The following CNBD1 variants were observed in gnomAD, a reference collection of about 807,000 sequenced individuals.
CNBD1 encodes cyclic nucleotide binding domain containing 1.
CNBD1 carries 71 observed loss-of-function variants against 54.4 expected under a neutral mutation model. The ratio of observed to expected loss-of-function variants is 1.30; its 90% CI spans 1.08 to 1.59. The LOEUF (loss-of-function observed/expected upper bound fraction) is 1.59. CNBD1 is among the 40% of genes most tolerant of loss of function. The probability of loss-of-function intolerance (pLI) is 0.00; values close to 1 mark genes in which losing one functional copy is unlikely to be tolerated. For missense variants in CNBD1, 659 were observed against 518.0 expected (o/e 1.27, Z -2.64); for synonymous variants, 182 against 170.7 (o/e 1.07, Z -0.51).
At chr8:87,172,081 A>G (rs1443379696) in intron 4 of CNBD1, among the ~76,000 whole-genome samples, 1 of 151,984 alleles carries the variant, frequency 6.6e-6, no homozygotes, top group Non-Finnish European at 1.5e-5. Flanking sequence ...TTCTTCAATG[A>G]TTCAATGGAC....
intron 4 of CNBD1, among the ~76,000 whole-genome samples, chr8:86,999,031 A>G (rs1025443418): frequency 6.6e-6 from 1 of 152,246 alleles, no homozygotes; most frequent in Non-Finnish European, 1.5e-5. Context: ...TTGTAATCAC[A>G]AGAGCTATCT....
chr8:87,275,626 G>T (rs1808463042), intron 6 of CNBD1, among the ~76,000 whole-genome samples: 2 of 151,488 alleles, frequency 1.3e-5, no homozygotes, highest in Non-Finnish European at 1.5e-5. Flanking sequence ...ATACTGAATG[G>T]GCAAAAACTG....
chr8:87,240,322 T>C (rs1024531278), intron 6 of CNBD1, among the ~76,000 whole-genome samples: 12 of 152,234 alleles, frequency 7.9e-5, no homozygotes, highest in African/African-American at 2.9e-4. Flanking sequence ...TTTGGAATTA[T>C]GTGGAAAAAA....
chr8:86,962,647 G>A (rs901715671), intron 4 of CNBD1, among the ~76,000 whole-genome samples: 8 of 152,192 alleles, frequency 5.3e-5, no homozygotes, highest in African/African-American at 1.7e-4. Context: ...TTAGCTGGGT[G>A]TGATGGCAGG....
intron 8 of CNBD1, among the ~76,000 whole-genome samples, chr8:87,318,667 A>C (rs1809452535): frequency 6.6e-6 from 1 of 152,056 alleles, no homozygotes; most frequent in African/African-American, 2.4e-5. Context: ...AATGATACTG[A>C]AATAAAACCT....
chr8:87,278,654 T>A (rs900516126), intron 6 of CNBD1, among the ~76,000 whole-genome samples: 1 of 151,498 alleles, frequency 6.6e-6, no homozygotes, highest in South Asian at 2.1e-4. Flanking sequence ...GTAAAAGGGA[T>A]GACAAGGAGA....
At chr8:87,009,190 G>A (rs1194390843) in intron 4 of CNBD1, among the ~76,000 whole-genome samples, 1 of 151,888 alleles carries the variant, frequency 6.6e-6, no homozygotes, top group Non-Finnish European at 1.5e-5. Flanking sequence ...ATTATAATAA[G>A]CTTAAAATAG....
intron 4 of CNBD1, among the ~76,000 whole-genome samples, chr8:87,188,626 C>T (rs1027349241): frequency 5.3e-5 from 8 of 151,258 alleles, no homozygotes; most frequent in African/African-American, 9.7e-5. Flanking sequence ...CTTGGGAGAC[C>T]GAGGTAAGAG....
rs1015893260 is a variant in CNBD1, at chr8:87,353,683, G to T, written c.1200G>T (p.Glu400Asp). 8.1e-6 allele frequency: 13 copies of T among 1,604,426 alleles called. No homozygotes were observed. Among genetic ancestry groups the T allele is most frequent in the Non-Finnish European group, 1.1e-5 (13 of 1,175,544 alleles). Residue 400 changes from glutamate to aspartate, a missense_variant, in exon 10 of 11, where the codon GAG becomes GAT. Transcript: ENST00000518476. ...ATATGGGGAAACTTAAGGAGAAGGAGTCCTTTGGTGAGATTAGCGTCCTTC... is the reference window on the plus strand; with the variant it reads ...ATATGGGGAAACTTAAGGAGAAGGATTCCTTTGGTGAGATTAGCGTCCTTC... ...LVYMGKLKEKESFGEISVLLQ... is the reference protein window; with the variant it reads ...LVYMGKLKEKDSFGEISVLLQ...
chr8:87,016,217 C>T (rs918584694), intron 4 of CNBD1, among the ~76,000 whole-genome samples: 8 of 151,766 alleles, frequency 5.3e-5, no homozygotes, highest in Middle Eastern at 3.4e-3. Flanking sequence ...TCTCAAAACT[C>T]TCCAGTAATT....
At chr8:87,281,742 G>T (rs1018531640) in intron 6 of CNBD1, among the ~76,000 whole-genome samples, 1 of 150,408 alleles carries the variant, frequency 6.6e-6, no homozygotes, top group African/African-American at 2.4e-5. Context: ...AATAGATATT[G>T]CCAGATAATT....
intron 8 of CNBD1, among the ~76,000 whole-genome samples, chr8:87,339,515 A>G (rs1383416158): frequency 6.6e-6 from 1 of 151,530 alleles, no homozygotes; most frequent in Non-Finnish European, 1.5e-5. Flanking sequence ...ATGTATGAAG[A>G]GTTGCTGATA....
At chr8:86,925,587 T>C (rs1445526176) in intron 3 of CNBD1, among the ~76,000 whole-genome samples, 2 of 149,778 alleles carry the variant, frequency 1.3e-5, no homozygotes, top group Non-Finnish European at 3.0e-5. Context: ...TTTTGGGAAC[T>C]GATAAAGGAA....
intron 3 of CNBD1, among the ~76,000 whole-genome samples, chr8:86,930,880 A>T (rs1409080161): frequency 1.3e-5 from 2 of 152,158 alleles, no homozygotes; most frequent in African/African-American, 2.4e-5. Flanking sequence ...TGCCTTTGTA[A>T]GGAAAAGCGG....
At chr8:87,324,339 C>T (rs1289118739) in intron 8 of CNBD1, among the ~76,000 whole-genome samples, 1 of 126,162 alleles carries the variant, frequency 7.9e-6, no homozygotes, top group South Asian at 2.3e-4. Context: ...GGGAGGATTC[C>T]CTCTTTTTCT....
intron 10 of CNBD1, among the ~76,000 whole-genome samples, chr8:87,374,846 C>T (rs1195929988): frequency 6.7e-6 from 1 of 149,942 alleles, no homozygotes; most frequent in Admixed American, 6.6e-5. Context: ...CTGTATTGGA[C>T]TTTGTGTAAG....
intron 3 of CNBD1, among the ~76,000 whole-genome samples, chr8:86,935,276 T>C (rs1434939263): frequency 1.3e-5 from 2 of 152,098 alleles, no homozygotes; most frequent in East Asian, 1.9e-4. Flanking sequence ...GACCTCGTAA[T>C]CCACCTGCCT....
chr8:86,996,194 C>A (rs1049784154), intron 4 of CNBD1, among the ~76,000 whole-genome samples: 1 of 152,128 alleles, frequency 6.6e-6, no homozygotes, highest in Non-Finnish European at 1.5e-5. Flanking sequence ...TTCTCCCACC[C>A]TGGATCTCTT....
chr8:87,302,992 C>CAA (rs1338556008), intron 8 of CNBD1, among the ~76,000 whole-genome samples: 10 of 151,476 alleles, frequency 6.6e-5, no homozygotes, highest in Non-Finnish European at 1.3e-4. Flanking sequence ...AAAGAGGATA[C>CAA]AAACAAATGG....
Sources: gnomAD v4.1 joint callset for allele counts (sites outside exome capture counted in the v4.1 genomes callset) on GRCh38, gnomAD v4.1.1 for gene constraint, MANE v1.5 for transcripts, NCBI Gene and HGNC (gene_info 2026-07-23, HGNC 2026-07-21) for gene names.